Variants in CTNNA3 observed in about 807,000 individuals in gnomAD.
The protein encoded by CTNNA3 is catenin alpha 3.
In CTNNA3, 76 loss-of-function variants were observed where a neutral mutation model predicts 95.7. The observed-to-expected ratio is 0.79, with a 90% CI of 0.66 to 0.96. CTNNA3 has a LOEUF of 0.96. CTNNA3 is among the 40% of genes least tolerant of loss of function. The pLI is 0.00. For missense variants in CTNNA3, 1,191 were observed against 1,089.8 expected, an observed-to-expected ratio of 1.09 and a Z score of -1.31; for synonymous variants, 431 against 374.4, an observed-to-expected ratio of 1.15 and a Z score of -1.74.
At chr10:66,673,270 CTT>C (rs951437534) in intron 9 of CTNNA3, among the ~76,000 whole-genome samples, 169 of 152,122 alleles carry the variant, frequency 1.1e-3, no homozygotes, top group African/African-American at 4.0e-3. Context: ...ATGCTTATCT[CTT>C]TGTTAAAGAT....
intron 17 of CTNNA3, 104 bp from the exon 18 acceptor site, chr10:65,920,721 G>A: frequency 8.1e-7 from 1 of 1,230,342 alleles, no homozygotes; most frequent in South Asian, 1.5e-5. Flanking sequence ...AGCTACTCAG[G>A]AGGCTGAGGA....
rs185660003 is a variant in CTNNA3, at chr10:66,183,463, T to A, written c.1885-80214A>T. On this transcript the variant is annotated intron_variant, in intron 13 of 17. Coordinates refer to ENST00000433211, the MANE Select transcript of CTNNA3 (RefSeq NM_013266.4). ...TTGTTTTTACATTTAATATTTTTTC[T>A]GAGATTTATGGATACTGCTGAATAT... Among the ~76,000 whole-genome samples, 17 of 152,362 alleles carry A rather than the reference T, an allele frequency of 1.1e-4. 1 individual carries two copies. In the East Asian group the frequency reaches 2.9e-3, roughly 26 times the overall value.
rs540084376 is a variant in CTNNA3, at chr10:66,838,559, TA to T, written c.1048-63036del. Among the ~76,000 whole-genome samples the T allele has an allele frequency of 1.9e-3, 292 of 152,112 alleles. 1 individual carries two copies. The highest frequency in any genetic ancestry group is 6.6e-3 in the African/African-American group (274 of 41,522). ...CGTCTAAATTCAGCAAATAAATAAA[TA>T]AATAAAATGCCTTCATCAGTTAGAG... On this transcript the variant is annotated intron_variant, in intron 7 of 17. Coordinates refer to ENST00000433211, the MANE Select transcript of CTNNA3 (RefSeq NM_013266.4).
chr10:66,616,176 C>T (rs1844504995), intron 10 of CTNNA3, among the ~76,000 whole-genome samples: 1 of 151,952 alleles, frequency 6.6e-6, no homozygotes, highest in Admixed American at 6.6e-5. Flanking sequence ...TTTCAAAAGG[C>T]TTCTAGACCC....
chr10:67,063,654 C>T (rs890277635), intron 7 of CTNNA3, among the ~76,000 whole-genome samples: 1 of 152,258 alleles, frequency 6.6e-6, no homozygotes, highest in East Asian at 1.9e-4. Flanking sequence ...AGTGCTCTTT[C>T]GAGAATAAAT....
intron 11 of CTNNA3, among the ~76,000 whole-genome samples, chr10:66,428,476 A>T (rs1055747177): frequency 2.0e-5 from 3 of 152,196 alleles, no homozygotes; most frequent in African/African-American, 7.2e-5. Flanking sequence ...CACCACATCT[A>T]TTCCAAAATT....
At chr10:66,353,451 G>C (rs1307036852) in intron 12 of CTNNA3, among the ~76,000 whole-genome samples, 1 of 152,068 alleles carries the variant, frequency 6.6e-6, no homozygotes, top group African/African-American at 2.4e-5. Context: ...CTGTTGGTAT[G>C]CACAAAAATA....
chr10:65,919,684 T>G lies in CTNNA3; in HGVS notation c.*646A>C, dbSNP rs540090056. On this transcript the variant is annotated 3_prime_UTR_variant, in exon 18 of 18. Transcript: ENST00000433211. ...CCTTTATAATGTTAAGAAAGCATTTTATTAATAAACAAGGTTGACCTTCAA... is the reference window on the plus strand; with the variant it reads ...CCTTTATAATGTTAAGAAAGCATTTGATTAATAAACAAGGTTGACCTTCAA... The G allele has an allele frequency of 4.6e-5, 7 of 152,430 alleles. No individual in the cohort carries two copies. The highest frequency in any genetic ancestry group is 1.7e-4 in the African/African-American group (7 of 41,576). 9.4% of individuals were successfully genotyped at this position (152,430 alleles called of 1,614,324 possible). A position where few individuals can be genotyped will look rare whatever the true frequency, so the allele number is the denominator to read the frequency against.
At chr10:67,560,095 T>C (rs1841442639) in intron 3 of CTNNA3, among the ~76,000 whole-genome samples, 2 of 152,034 alleles carry the variant, frequency 1.3e-5, no homozygotes, top group South Asian at 4.1e-4. Flanking sequence ...TTCCCCAATC[T>C]AGCAAGGCAG....
rs192265082 is a variant in CTNNA3 at position 66,684,615 on chromosome 10, T to C, written c.1282-62831A>G. On this transcript the variant is annotated intron_variant, in intron 9 of 17. Transcript: ENST00000433211. ...TATAATGAAGGCCAAAAAAACAAGCTGTCTCCTTAAACTTCTCAGGAGAAG... is the reference window on the plus strand; with the variant it reads ...TATAATGAAGGCCAAAAAAACAAGCCGTCTCCTTAAACTTCTCAGGAGAAG... Among the ~76,000 whole-genome samples the C allele has an allele frequency of 7.3e-3, 1,113 of 152,254 alleles. 8 individuals are homozygous for C. The highest frequency in any genetic ancestry group is 0.025 in the African/African-American group (1,043 of 41,542).
At chr10:67,564,602 C>T (rs1841676475) in intron 3 of CTNNA3, among the ~76,000 whole-genome samples, 1 of 139,678 alleles carries the variant, frequency 7.2e-6, no homozygotes, top group Non-Finnish European at 1.5e-5. Context: ...TGTAACAAAC[C>T]TGCACGTTGT....
chr10:67,755,486 C>T (rs749756132), intron 1 of CTNNA3, among the ~76,000 whole-genome samples: 1 of 151,974 alleles, frequency 6.6e-6, no homozygotes, highest in Non-Finnish European at 1.5e-5. Flanking sequence ...CCAGCAATTC[C>T]ACTACTGGGT....
At chr10:67,041,644 C>T (rs1386880413) in intron 7 of CTNNA3, among the ~76,000 whole-genome samples, 3 of 152,064 alleles carry the variant, frequency 2.0e-5, no homozygotes, top group South Asian at 2.1e-4. Context: ...TACCTCATAC[C>T]TCTAAAGCAT....
At chr10:67,336,016 C>T (rs1841982894) in intron 5 of CTNNA3, among the ~76,000 whole-genome samples, 1 of 151,972 alleles carries the variant, frequency 6.6e-6, no homozygotes, top group Non-Finnish European at 1.5e-5. Context: ...CAAACTTCTT[C>T]ATTATTATTA....
intron 12 of CTNNA3, among the ~76,000 whole-genome samples, chr10:66,319,439 T>C (rs1242701120): frequency 1.3e-5 from 2 of 152,102 alleles, no homozygotes; most frequent in African/African-American, 4.8e-5. Context: ...AAGATGTACG[T>C]AGAAGTCCTT....
At chr10:66,377,627 A>G (rs1284816295) in intron 12 of CTNNA3, among the ~76,000 whole-genome samples, 1 of 151,826 alleles carries the variant, frequency 6.6e-6, no homozygotes, top group Non-Finnish European at 1.5e-5. Context: ...TACCTAACCA[A>G]TTCCTGATAG....
intron 13 of CTNNA3, among the ~76,000 whole-genome samples, chr10:66,145,749 A>T (rs188231065): frequency 6.6e-6 from 1 of 151,908 alleles, no homozygotes; most frequent in Non-Finnish European, 1.5e-5. Flanking sequence ...AGTGTTTTTT[A>T]TTTTTTTTCA....
chr10:67,647,146 T>TTATATATATATATATATATATA (rs67324505), intron 2 of CTNNA3, among the ~76,000 whole-genome samples: 2 of 136,480 alleles, frequency 1.5e-5, no homozygotes, highest in Non-Finnish European at 3.2e-5. Context: ...ACTCTGAAAA[T>TTATATATATATATATATATATA]TATATATATA....
At chr10:66,878,319 CCTCAA>C (rs1844705855) in intron 7 of CTNNA3, among the ~76,000 whole-genome samples, 1 of 152,066 alleles carries the variant, frequency 6.6e-6, no homozygotes, top group South Asian at 2.1e-4. Flanking sequence ...CTATTTGCAG[CCTCAA>C]CTCCCACTAT....
Sources: gnomAD v4.1 joint callset for allele counts (sites outside exome capture counted in the v4.1 genomes callset) on GRCh38, gnomAD v4.1.1 for gene constraint, MANE v1.5 for transcripts, NCBI Gene and HGNC (gene_info 2026-07-23, HGNC 2026-07-21) for gene names.